The following CHRNB1 variants were observed in gnomAD, a reference collection of about 807,000 sequenced individuals.
CHRNB1 encodes acetylcholine receptor subunit beta.
Under a neutral mutation model 53.8 loss-of-function variants are expected in CHRNB1, and 47 were observed. The ratio of observed to expected loss-of-function variants is 0.87; its 90% CI spans 0.69 to 1.11. The LOEUF (loss-of-function observed/expected upper bound fraction) is 1.11, where lower values mean the gene tolerates loss of function less well. Among genes scored for constraint, CHRNB1 ranks in the 50% most tolerant of loss-of-function variants. The pLI, the probability that CHRNB1 is intolerant of heterozygous loss-of-function variation, is 0.00. For synonymous variants in CHRNB1, 259 were observed against 263.5 expected, an observed-to-expected ratio of 0.98 and a Z score of 0.16; for missense variants, 605 against 654.9, an observed-to-expected ratio of 0.92 and a Z score of 0.83.
intron 3 of CHRNB1, 48 bp downstream of exon 3, chr17:7,446,161 A>G: frequency 6.9e-7 from 1 of 1,456,858 alleles, no homozygotes; most frequent in Non-Finnish European, 9.6e-7. Context: ...TGCCTTGACA[A>G]TTTCCTTGAA....
Position 7,448,608 on chromosome 17 carries a change from C to G in CHRNB1, c.640C>G (p.Pro214Ala). The G allele has an allele frequency of 6.2e-7, 1 of 1,614,166 alleles. No individual in the cohort carries two copies. The highest frequency in any genetic ancestry group is 8.5e-7 in the Non-Finnish European group (1 of 1,180,024). The change falls in exon 7 of 11, where the codon CCC becomes GCC. Residue 214 changes from proline to alanine, a missense_variant. Coordinates refer to ENST00000306071, the MANE Select transcript of CHRNB1 (RefSeq NM_000747.3). ...ENGQWEIIHK[P>A]SRLIQPPGDP... The stretch of plus-strand genomic sequence containing the variant: ...TGGCCAGTGGGAGATTATCCACAAG[C>G]CCTCTCGGCTAATCCAGCCTCCAGG...
At chr17:7,451,370 A>G (rs1908884944) in intron 7 of CHRNB1, among the ~76,000 whole-genome samples, 3 of 136,370 alleles carry the variant, frequency 2.2e-5, no homozygotes, top group Admixed American at 1.7e-4. Context: ...TCCACCTCCC[A>G]GGTTCAAGCA....
chr17:7,446,825 T>C lies in CHRNB1; in HGVS notation c.244-8T>C. On this transcript the variant is annotated splice_region_variant and splice_polypyrimidine_tract_variant and intron_variant, in intron 3 of 10. Transcript: ENST00000306071. ...CCCGGGGCAGCCCCTCAGCCTCTGC[T>C]TCACTAGGAGTGGACTGACTACAGG... 1.2e-6 allele frequency: 2 copies of C among 1,612,218 alleles called. No homozygotes were observed. The highest frequency in any genetic ancestry group is 1.7e-6 in the Non-Finnish European group (2 of 1,178,680).
Position 7,457,119 on chromosome 17 carries a change from A to G in CHRNB1, c.*396A>G, listed in dbSNP as rs1028196488. 2 of 236,016 alleles carry G rather than the reference A, an allele frequency of 8.5e-6. No homozygotes were observed. Among genetic ancestry groups the G allele is most frequent in the East Asian group, 1.1e-4 (1 of 8,982 alleles). 14.6% of individuals were successfully genotyped at this position (236,016 alleles called of 1,614,324 possible). A position where few individuals can be genotyped will look rare whatever the true frequency, so the allele number is the denominator to read the frequency against. On this transcript the variant is annotated 3_prime_UTR_variant, in exon 11 of 11. Transcript: ENST00000306071. Reference sequence around the variant, plus strand: ...GATCACCTGAGGTCGGGAGTTTGAGACCAGCCCGACCAACATGGAGAAACC... The same window carrying G: ...GATCACCTGAGGTCGGGAGTTTGAGGCCAGCCCGACCAACATGGAGAAACC...
In CHRNB1 at chr17:7,445,630, G is replaced by C. The variant is rs1597747621; in HGVS notation, c.198+221G>C. On this transcript the variant is annotated intron_variant, in intron 2 of 10. Coordinates refer to ENST00000306071, the MANE Select transcript of CHRNB1 (RefSeq NM_000747.3). The surrounding 1 kb of genome is among the most constrained non-coding windows in gnomAD (Gnocchi z 5.7). ...GTAGAACTGGGTAGGGTGAAGGACG[G>C]ACCTGTGATCGGACCTTAAAGTGGG... 4.2e-6 allele frequency: 6 copies of C among 1,437,392 alleles called. No homozygotes were observed. In the East Asian group the frequency reaches 1.0e-4, roughly 24 times the overall value. The allele number at this position is 1,437,392 out of a possible 1,614,324, so 89.0% of individuals were successfully genotyped here.
intron 10 of CHRNB1, 126 bp from the exon 11 acceptor site, chr17:7,456,457 G>C (rs1231263348): frequency 8.2e-7 from 1 of 1,221,936 alleles, no homozygotes; most frequent in East Asian, 2.3e-5. Context: ...CTCTCCTGTT[G>C]GCGCTGCCGG....
rs569764749 is a variant in CHRNB1 at position 7,450,985 on chromosome 17, G to A, written c.820+2197G>A. ...GGGCTGGTGGATCACCTGAGGTCAG[G>A]AGTACTCAAGAAACAGAAAGGAGGC... On this transcript the variant is annotated intron_variant, in intron 7 of 10. Coordinates refer to ENST00000306071, the MANE Select transcript of CHRNB1 (RefSeq NM_000747.3). 1.6e-3 allele frequency among the ~76,000 whole-genome samples: 245 copies of A among 152,306 alleles called. 1 individual carries two copies. The highest frequency in any genetic ancestry group is 5.7e-3 in the African/African-American group (237 of 41,558).
At position 7,455,953 on chromosome 17, in the gene CHRNB1, G is replaced by A. The variant is rs1002690714; in HGVS notation, c.1365+12G>A. 6.2e-7 allele frequency: 1 copy of A among 1,614,078 alleles called. No homozygotes were observed. Among genetic ancestry groups the A allele is most frequent in the Non-Finnish European group, 8.5e-7 (1 of 1,180,000 alleles). ...AGGACCACGATGCGGTATGTCCAAC[G>A]GGGGTGGAACAAGGCCAGGTCTAGG... is the stretch of plus-strand genomic sequence containing the variant. On this transcript the variant is annotated intron_variant, in intron 10 of 10. Coordinates refer to ENST00000306071, the MANE Select transcript of CHRNB1 (RefSeq NM_000747.3).
At position 7,456,919 on chromosome 17, in the gene CHRNB1, T is replaced by G. The variant is rs1344376387; in HGVS notation, c.*196T>G. The G allele has an allele frequency of 6.1e-6, 4 of 650,728 alleles. No individual in the cohort carries two copies. The highest frequency in any genetic ancestry group is 1.0e-5 in the Non-Finnish European group (4 of 381,144). 40.3% of individuals were successfully genotyped at this position (650,728 alleles called of 1,614,324 possible). ...CCACCTGAAATGCAGTATCATCTGA[T>G]TTACTCTTTGGGATCTTGAAGAAGC... On this transcript the variant is annotated 3_prime_UTR_variant, in exon 11 of 11. Transcript: ENST00000306071.
At chr17:7,455,728 G>T in intron 9 of CHRNB1, 66 bp from the exon 10 acceptor site, 3 of 1,607,880 alleles carry the variant, frequency 1.9e-6, no homozygotes, top group South Asian at 2.2e-5. Flanking sequence ...GGCAGCTGGA[G>T]CGGGGCCTGG....
intron 8 of CHRNB1, 23 bp downstream of exon 8, chr17:7,454,543 A>G: frequency 6.3e-7 from 1 of 1,596,326 alleles, no homozygotes; most frequent in South Asian, 1.1e-5. Context: ...TCCTCCTCCA[A>G]CCCCAATTTT....
In CHRNB1 at chr17:7,455,436, T is replaced by A; in HGVS notation, c.1197T>A (p.Phe399Leu). 1.2e-6 allele frequency: 2 copies of A among 1,614,124 alleles called. No individual in the cohort carries two copies. Among genetic ancestry groups the A allele is most frequent in the South Asian group, 2.2e-5 (2 of 91,090 alleles). Reference sequence around the variant, plus strand: ...TCATCCGGAAGCCGCCAAGTGATTTTCTCTTCCCCAAACCCAATAGGTAGG... The same window carrying A: ...TCATCCGGAAGCCGCCAAGTGATTTACTCTTCCCCAAACCCAATAGGTAGG... ...EYFIRKPPSD[F>L]LFPKPNRFQP... Residue 399 changes from phenylalanine to leucine, a missense_variant, in exon 9 of 11, where the codon TTT becomes TTA. By Grantham distance (22) the Phe-to-Leu change is conservative. Coordinates refer to ENST00000306071, the MANE Select transcript of CHRNB1 (RefSeq NM_000747.3).
intron 6 of CHRNB1, among the ~76,000 whole-genome samples, 199 bp downstream of exon 6, chr17:7,447,849 G>C (rs889525040): frequency 1.3e-5 from 2 of 152,060 alleles, no homozygotes; most frequent in Non-Finnish European, 2.9e-5. Flanking sequence ...AAGCCGAGGC[G>C]GGCGGATCAT....
chr17:7,445,534 C>G lies in CHRNB1; in HGVS notation c.198+125C>G. ...ACGAGACCAGGCTGAGATGGACCAGCCTTTGGTGAAGATTGGATCGAAATC... is the reference window on the plus strand; with the variant it reads ...ACGAGACCAGGCTGAGATGGACCAGGCTTTGGTGAAGATTGGATCGAAATC... On this transcript the variant is annotated intron_variant, in intron 2 of 10. Coordinates refer to ENST00000306071, the MANE Select transcript of CHRNB1 (RefSeq NM_000747.3). This position sits in a 1 kb window ranked among gnomAD's most constrained non-coding sequence, Gnocchi z 5.7. 3 of 1,524,478 alleles carry G rather than the reference C, an allele frequency of 2.0e-6. No homozygotes were observed. The highest frequency in any genetic ancestry group is 2.6e-6 in the Non-Finnish European group (3 of 1,140,016). 94.4% of individuals were successfully genotyped at this position (1,524,478 alleles called of 1,614,324 possible).
chr17:7,449,691 T>C (rs1403746652), intron 7 of CHRNB1, among the ~76,000 whole-genome samples: 1 of 151,974 alleles, frequency 6.6e-6, no homozygotes, highest in Non-Finnish European at 1.5e-5. Context: ...CTTATAGGCA[T>C]GAGCCACCGC....
intron 9 of CHRNB1, 134 bp from the exon 10 acceptor site, chr17:7,455,660 C>T: frequency 7.5e-7 from 1 of 1,336,748 alleles, no homozygotes. Context: ...AGAGAGATCA[C>T]TGCTGGAGGG....
At chr17:7,454,549 A>G (rs777942954) in intron 8 of CHRNB1, 29 bp downstream of exon 8, 12 of 1,582,052 alleles carry the variant, frequency 7.6e-6, no homozygotes, top group East Asian at 2.2e-5. Context: ...TCCAACCCCA[A>G]TTTTCCTTTT....
chr17:7,452,118 C>T (rs1019852847), intron 7 of CHRNB1, among the ~76,000 whole-genome samples: 9 of 150,576 alleles, frequency 6.0e-5, no homozygotes, highest in Admixed American at 2.0e-4. Context: ...TGCAGTGGCA[C>T]GATCTTGGCT....
At chr17:7,450,913 C>T (rs1320059968) in intron 7 of CHRNB1, among the ~76,000 whole-genome samples, 1 of 152,172 alleles carries the variant, frequency 6.6e-6, no homozygotes, top group Non-Finnish European at 1.5e-5. Flanking sequence ...GGAAAGCAGG[C>T]TGGGCGTGGT....
Sources: gnomAD v4.1 joint callset for allele counts (sites outside exome capture counted in the v4.1 genomes callset) on GRCh38, gnomAD v4.1.1 for gene constraint, Gnocchi (gnomAD v3.1) non-coding constraint, MANE v1.5 for transcripts, NCBI Gene and HGNC (gene_info 2026-07-23, HGNC 2026-07-21) for gene names.